ZNG1E: variants seen among roughly 807,000 people sequenced by gnomAD.
ZNG1E encodes the protein Zn regulated GTPase metalloprotein activator 1E.
chr9:65,719,984 G>A, the ZNG1E span: 44 of 1,584,710 alleles, frequency 2.8e-5, 1 homozygote, highest in East Asian at 6.7e-5. Context: ...GTCACTAAAC[G>A]TATAAAGTTA....
chr9:65,675,045 C>A, the ZNG1E span, among the ~76,000 whole-genome samples: 1 of 147,272 alleles, frequency 6.8e-6, no homozygotes, highest in Admixed American at 6.8e-5. Context: ...AATTAAACAA[C>A]ATATTCTCTA....
the ZNG1E span, among the ~76,000 whole-genome samples, chr9:65,678,101 T>G: frequency 3.3e-5 from 5 of 152,110 alleles, no homozygotes; most frequent in African/African-American, 1.2e-4. Flanking sequence ...AAGTGTTTTT[T>G]TTTTTTTTTT....
chr9:65,695,921 TATAAA>T, the ZNG1E span, among the ~76,000 whole-genome samples: 1 of 151,688 alleles, frequency 6.6e-6, no homozygotes, highest in East Asian at 1.9e-4. Context: ...ATCTATGTAA[TATAAA>T]ATATTTAAAA....
chr9:65,660,664 T>C, the ZNG1E span, among the ~76,000 whole-genome samples: 5 of 151,628 alleles, frequency 3.3e-5, no homozygotes, highest in African/African-American at 9.7e-5. Flanking sequence ...AATGAAGCTA[T>C]TGTGGTGTGA....
At chr9:65,709,300 T>A in the ZNG1E span, among the ~76,000 whole-genome samples, 2 of 150,882 alleles carry the variant, frequency 1.3e-5, no homozygotes, top group South Asian at 4.2e-4. Flanking sequence ...AATAACTCTC[T>A]TCACTTTATT....
the ZNG1E span, among the ~76,000 whole-genome samples, chr9:65,665,372 T>C: frequency 6.8e-4 from 104 of 152,310 alleles, no homozygotes; most frequent in Middle Eastern, 3.4e-3. Flanking sequence ...TGTCTGTTGC[T>C]TCAGAGGGTG....
chr9:65,659,454 C>T, the ZNG1E span, among the ~76,000 whole-genome samples: 1 of 150,542 alleles, frequency 6.6e-6, no homozygotes, highest in Non-Finnish European at 1.5e-5. Flanking sequence ...GAGATCATGC[C>T]ACTGCACTCC....
the ZNG1E span, among the ~76,000 whole-genome samples, chr9:65,680,799 T>G: frequency 6.6e-6 from 1 of 152,230 alleles, no homozygotes; most frequent in Non-Finnish European, 1.5e-5. Context: ...TTAGGTTTTT[T>G]TTTTTTTGAG....
the ZNG1E span, among the ~76,000 whole-genome samples, chr9:65,699,404 GC>G: frequency 8.5e-6 from 1 of 117,882 alleles, no homozygotes; most frequent in Non-Finnish European, 1.7e-5. Flanking sequence ...TTGAGATAAA[GC>G]ATAAGACCCT....
chr9:65,693,853 G>A, the ZNG1E span, among the ~76,000 whole-genome samples: 49 of 151,554 alleles, frequency 3.2e-4, 1 homozygote, highest in South Asian at 7.5e-3. Flanking sequence ...CACCACGCCC[G>A]GCCTGAACTT....
the ZNG1E span, among the ~76,000 whole-genome samples, chr9:65,726,488 T>TA: frequency 1.9e-3 from 45 of 23,880 alleles, 3 homozygotes; most frequent in Middle Eastern, 0.033. Context: ...GTAAGGATAT[T>TA]AAAAAAAAAA....
chr9:65,662,732 T>C, the ZNG1E span, among the ~76,000 whole-genome samples: 4 of 151,954 alleles, frequency 2.6e-5, no homozygotes, highest in Non-Finnish European at 5.9e-5. Flanking sequence ...AAATAAAAAT[T>C]GTTATGTTAA....
At chr9:65,680,050 A>C in the ZNG1E span, among the ~76,000 whole-genome samples, 1 of 152,258 alleles carries the variant, frequency 6.6e-6, no homozygotes, top group Non-Finnish European at 1.5e-5. Context: ...CTGTGAAAAT[A>C]AGTGTGCTTA....
At chr9:65,663,132 T>C in the ZNG1E span, among the ~76,000 whole-genome samples, 1 of 152,270 alleles carries the variant, frequency 6.6e-6, no homozygotes, top group African/African-American at 2.4e-5. Flanking sequence ...GTTTCTGTTA[T>C]ATTATATTGC....
At chr9:65,665,303 G>A in the ZNG1E span, among the ~76,000 whole-genome samples, 6 of 152,266 alleles carry the variant, frequency 3.9e-5, no homozygotes, top group African/African-American at 1.4e-4. Flanking sequence ...GCTGTATGCA[G>A]TCTAGGGACT....
At chr9:65,672,050 G>C in the ZNG1E span, among the ~76,000 whole-genome samples, 1 of 143,104 alleles carries the variant, frequency 7.0e-6, no homozygotes, top group African/African-American at 2.7e-5. Context: ...AAAAGAGCAG[G>C]AGATTTAGTG....
chr9:65,673,666 G>A, the ZNG1E span, among the ~76,000 whole-genome samples: 1 of 152,378 alleles, frequency 6.6e-6, no homozygotes, highest in South Asian at 2.1e-4. Context: ...TTAGCCAGAT[G>A]TAATGGCATA....
the ZNG1E span, among the ~76,000 whole-genome samples, chr9:65,685,043 T>TAAAAAAAAAA: frequency 1.8e-4 from 19 of 107,712 alleles, no homozygotes; most frequent in African/African-American, 6.5e-4. Flanking sequence ...CCCCATTTCT[T>TAAAAAAAAAA]AAAAAAAAAA....
At chr9:65,667,935 G>T in the ZNG1E span, among the ~76,000 whole-genome samples, 3 of 140,068 alleles carry the variant, frequency 2.1e-5, no homozygotes, top group Non-Finnish European at 3.1e-5. Context: ...GGCAGAGGTT[G>T]CAGTGAGCCA....
Sources: allele counts gnomAD v4.1 joint callset (sites outside exome capture counted in the v4.1 genomes callset), GRCh38; gene constraint gnomAD v4.1.1; transcripts MANE v1.5; gene names NCBI Gene and HGNC (gene_info 2026-07-23, HGNC 2026-07-21).